The following TBATA variants were observed in gnomAD, a reference collection of about 807,000 sequenced individuals.
TBATA encodes thymus, brain and testes associated, also known as protein TBATA.
TBATA carries 47 observed loss-of-function variants against 38.7 expected under a neutral mutation model. The observed-to-expected ratio is 1.21, with a 90% CI of 0.96 to 1.55. TBATA has a LOEUF of 1.55. Among genes scored for constraint, TBATA ranks in the 40% most tolerant of loss-of-function variants. The probability of loss-of-function intolerance (pLI) is 0.00; values close to 1 mark genes in which losing one functional copy is unlikely to be tolerated. For missense variants in TBATA, 436 were observed against 435.6 expected, an observed-to-expected ratio of 1.00 and a Z score of -0.01; for synonymous variants, 183 against 170.5, an observed-to-expected ratio of 1.07 and a Z score of -0.57.
chr10:70,775,633 C>T (rs201311605), intron 7 of TBATA, among the ~76,000 whole-genome samples: 8 of 15,796 alleles, frequency 5.1e-4, no homozygotes, highest in Non-Finnish European at 1.6e-3. Flanking sequence ...TTCCCTAGGG[C>T]CCCCTCACTG....
At chr10:70,778,439 A>G (rs1385106493) in intron 6 of TBATA, 118 bp downstream of exon 6, 2 of 986,262 alleles carry the variant, frequency 2.0e-6, no homozygotes, top group African/African-American at 3.2e-5. Flanking sequence ...TGACGTTTGT[A>G]TGAATCAGTC....
intron 3 of TBATA, among the ~76,000 whole-genome samples, chr10:70,782,919 C>G (rs1844437081): frequency 6.6e-6 from 1 of 152,232 alleles, no homozygotes; most frequent in Admixed American, 6.5e-5. Context: ...GCCCCCGGAC[C>G]CTCTGAGGAC....
chr10:70,772,605 C>G (rs749904959), intron 9 of TBATA, 39 bp from the exon 10 acceptor site: 1 of 1,610,304 alleles, frequency 6.2e-7, no homozygotes, highest in Admixed American at 1.7e-5. Flanking sequence ...GAAGGTCATG[C>G]TGGAAACCTG....
rs1331239073 is a variant in TBATA at position 70,783,445 on chromosome 10, A to G, written c.-66T>C. 8 of 1,570,538 alleles carry G rather than the reference A, an allele frequency of 5.1e-6. No individual in the cohort carries two copies. The highest frequency in any genetic ancestry group is 1.7e-5 in the Admixed American group (1 of 59,660). ...CTAGCGTTGAGGATGCAGAACAGGA[A>G]CTCTCACTTAATACTAGTGTTGAGG... On this transcript the variant is annotated 5_prime_UTR_variant, in exon 3 of 11. Transcript: ENST00000456372.
intron 2 of TBATA, among the ~76,000 whole-genome samples, chr10:70,784,384 G>A (rs937254612): frequency 3.3e-5 from 5 of 152,110 alleles, no homozygotes; most frequent in African/African-American, 9.7e-5. Context: ...GATGATAGGT[G>A]TCAAAACCAA....
Position 70,782,428 on chromosome 10 carries a change from G to A in TBATA, c.42-392C>T, listed in dbSNP as rs556561147. The A allele has an allele frequency of 3.1e-6, 4 of 1,297,454 alleles. No homozygotes were observed. The East Asian group carries it at 2.2e-4, about 71-fold the overall frequency. The allele number at this position is 1,297,454 out of a possible 1,614,324, so 80.4% of individuals were successfully genotyped here. A position where few individuals can be genotyped will look rare whatever the true frequency, so the allele number is the denominator to read the frequency against. ...TGGGGATGGGGATGGTCTCAACAGG[G>A]GCCTCTCCCCAAGCCAGACTGTGGA... On this transcript the variant is annotated intron_variant, in intron 3 of 10. Coordinates refer to ENST00000456372, the MANE Select transcript of TBATA (RefSeq NM_001318241.2).
In TBATA at chr10:70,779,671, C is replaced by A. The variant is rs150669876; in HGVS notation, c.349G>T (p.Gly117Cys). The change falls in exon 5 of 11, where the codon GGC becomes TGC. Residue 117 changes from glycine to cysteine, a missense_variant. Transcript: ENST00000456372. Reference sequence around the variant, plus strand: ...ATGGTGGGTATCCCCATTTGACAGCCGGAAAAGACAGTTGACTCAGGCAAG... The same window carrying A: ...ATGGTGGGTATCCCCATTTGACAGCAGGAAAAGACAGTTGACTCAGGCAAG... ...APLPESTVFSGCQMGIPTISV... is the reference protein window; with the variant it reads ...APLPESTVFSCCQMGIPTISV... The A allele has an allele frequency of 1.3e-6, 2 of 1,534,018 alleles. No homozygotes were observed.
intron 6 of TBATA, 105 bp downstream of exon 6, chr10:70,778,452 C>A: frequency 8.9e-7 from 1 of 1,125,806 alleles, no homozygotes; most frequent in Non-Finnish European, 1.4e-6. Flanking sequence ...AATCAGTCCC[C>A]CCACCCCACC....
chr10:70,779,608 G>C lies in TBATA; in HGVS notation c.412C>G (p.Pro138Ala). 2.0e-6 allele frequency: 3 copies of C among 1,506,114 alleles called. No individual in the cohort carries two copies. The highest frequency in any genetic ancestry group is 1.3e-5 in the South Asian group (1 of 75,052). The allele number at this position is 1,506,114 out of a possible 1,614,324, so 93.3% of individuals were successfully genotyped here. Residue 138 changes from proline (P) to alanine (A), a missense_variant, in exon 5 of 11, where the codon CCC (proline) becomes GCC (alanine). By Grantham distance (27) the Pro-to-Ala change is conservative. Transcript: ENST00000456372. ...PIGDPQSNRNPQLSSEAWKKE... is the reference protein window; with the variant it reads ...PIGDPQSNRNAQLSSEAWKKE... The stretch of plus-strand genomic sequence containing the variant: ...AAGTACCCACCAGAAGAAAGCTGGG[G>C]GTTCCGATTAGACTGTGGGTCTCCA...
intron 7 of TBATA, chr10:70,776,275 C>A: frequency 2.2e-6 from 1 of 452,430 alleles, no homozygotes. Flanking sequence ...CTGTGCTGAC[C>A]CACCCTGACC....
chr10:70,776,356 G>C (rs556877960), intron 7 of TBATA: 5 of 456,338 alleles, frequency 1.1e-5, no homozygotes, highest in South Asian at 7.7e-5. Context: ...CAGGACCTGA[G>C]AACCTAATTC....
intron 6 of TBATA, chr10:70,777,974 A>T (rs1843645924): frequency 3.1e-6 from 1 of 319,122 alleles, no homozygotes; most frequent in Non-Finnish European, 6.2e-6. Flanking sequence ...CTGCCTGTCC[A>T]CTCTGGTTAC....
intron 9 of TBATA, among the ~76,000 whole-genome samples, chr10:70,773,367 C>A (rs984943655): frequency 2.0e-5 from 3 of 152,052 alleles, no homozygotes; most frequent in South Asian, 2.1e-4. Context: ...CCGGGATGAC[C>A]TTTTCCCAAG....
intron 5 of TBATA, 26 bp downstream of exon 5, chr10:70,779,567 G>C: frequency 6.8e-7 from 1 of 1,461,910 alleles, no homozygotes; most frequent in African/African-American, 1.5e-5. Context: ...CCCCAGGGTA[G>C]AGGGAGGCAT....
chr10:70,771,575 C>T, intron 10 of TBATA, 114 bp from the exon 11 acceptor site: 1 of 940,476 alleles, frequency 1.1e-6, no homozygotes, highest in Non-Finnish European at 1.6e-6. Context: ...AGCCCAGCTC[C>T]TGCTCTCAGC....
chr10:70,778,735 G>A, intron 5 of TBATA, 99 bp from the exon 6 acceptor site: 2 of 1,032,828 alleles, frequency 1.9e-6, no homozygotes, highest in East Asian at 2.4e-5. Flanking sequence ...CTCCTTCCTG[G>A]CCTCCCTGCC....
chr10:70,779,078 T>C (rs1271536550), intron 5 of TBATA, among the ~76,000 whole-genome samples: 4 of 152,202 alleles, frequency 2.6e-5, no homozygotes, highest in Admixed American at 6.5e-5. Context: ...GCAGCCAGCC[T>C]TCCAAGTCTC....
chr10:70,781,112 A>C (rs1249398436), intron 4 of TBATA, among the ~76,000 whole-genome samples: 1 of 152,152 alleles, frequency 6.6e-6, no homozygotes, highest in Admixed American at 6.5e-5. Flanking sequence ...CTCCAGCCAG[A>C]CCAGCTTCTG....
At chr10:70,780,961 C>T (rs546260666) in intron 4 of TBATA, among the ~76,000 whole-genome samples, 6 of 152,346 alleles carry the variant, frequency 3.9e-5, no homozygotes, top group Admixed American at 3.9e-4. Flanking sequence ...GTTAAAACAT[C>T]TCACTTCTGT....
Sources: allele counts gnomAD v4.1 joint callset (sites outside exome capture counted in the v4.1 genomes callset), GRCh38; gene constraint gnomAD v4.1.1; transcripts MANE v1.5; gene names NCBI Gene and HGNC (gene_info 2026-07-23, HGNC 2026-07-21).